ANKS1B: variants seen among roughly 807,000 people sequenced by gnomAD.
The protein encoded by ANKS1B is ankyrin repeat and sterile alpha motif domain containing 1B.
ANKS1B carries 36 observed loss-of-function variants against 148.3 expected under a neutral mutation model. The ratio of observed to expected loss-of-function variants is 0.24; its 90% confidence interval spans 0.19 to 0.32. The LOEUF (loss-of-function observed/expected upper bound fraction) is 0.32, where lower values mean the gene tolerates loss of function less well. Ranked by LOEUF, ANKS1B falls within the 10% of genes least tolerant of loss-of-function variation. The pLI, the probability that ANKS1B is intolerant of heterozygous loss-of-function variation, is 1.00. For missense variants in ANKS1B, 1,157 were observed against 1,542.6 expected, an observed-to-expected ratio of 0.75 and a Z score of 4.19; for synonymous variants, 542 against 560.8, an observed-to-expected ratio of 0.97 and a Z score of 0.47.
intron 16 of ANKS1B, among the ~76,000 whole-genome samples, chr12:99,077,028 C>T (rs2048084181): frequency 6.6e-6 from 1 of 151,598 alleles, no homozygotes; most frequent in Non-Finnish European, 1.5e-5. Context: ...GTTTTGCACC[C>T]CCGGCAAAAA....
chr12:98,848,479 C>A (rs917674790), intron 17 of ANKS1B, among the ~76,000 whole-genome samples: 4 of 151,698 alleles, frequency 2.6e-5, no homozygotes, highest in Admixed American at 6.6e-5. Flanking sequence ...CTGATCACAT[C>A]GAAGTTTTTT....
intron 1 of ANKS1B, among the ~76,000 whole-genome samples, chr12:99,853,566 T>C (rs774018475): frequency 6.6e-6 from 1 of 151,968 alleles, no homozygotes; most frequent in Non-Finnish European, 1.5e-5. Flanking sequence ...CACCCTGTGG[T>C]ACAAAAAAAT....
At chr12:98,809,333 C>T (rs1386937795) in intron 19 of ANKS1B, among the ~76,000 whole-genome samples, 1 of 152,234 alleles carries the variant, frequency 6.6e-6, no homozygotes, top group Non-Finnish European at 1.5e-5. Context: ...TAGCTCTCCT[C>T]TGATTTGAAT....
At chr12:98,792,177 C>T (rs933078552) in intron 22 of ANKS1B, among the ~76,000 whole-genome samples, 6 of 152,110 alleles carry the variant, frequency 3.9e-5, no homozygotes, top group South Asian at 2.1e-4. Flanking sequence ...GTTCCAAGAC[C>T]TAAATACACT....
At chr12:98,808,612 A>G (rs1347859549) in intron 19 of ANKS1B, among the ~76,000 whole-genome samples, 2 of 152,146 alleles carry the variant, frequency 1.3e-5, no homozygotes, top group Admixed American at 6.6e-5. Flanking sequence ...ATTCAGCTCC[A>G]TAATTCTGGC....
intron 25 of ANKS1B, among the ~76,000 whole-genome samples, chr12:98,768,044 A>G (rs547057146): frequency 3.3e-5 from 5 of 152,078 alleles, no homozygotes; most frequent in Admixed American, 1.3e-4. Context: ...TGCTCACCCT[A>G]CAGTTCCCTC....
chr12:99,551,551 AGG>A (rs2097218759), intron 9 of ANKS1B, among the ~76,000 whole-genome samples: 4 of 23,834 alleles, frequency 1.7e-4, no homozygotes, highest in Non-Finnish European at 3.7e-4. Flanking sequence ...AGGGGAGGGG[AGG>A]GGAGGGGAGG....
At chr12:98,945,494 C>CAACAAACA (rs1443177039) in intron 17 of ANKS1B, among the ~76,000 whole-genome samples, 8 of 16,958 alleles carry the variant, frequency 4.7e-4, no homozygotes, top group South Asian at 4.0e-3. Context: ...GACCCTGTCT[C>CAACAAACA]AACAAACAAA....
intron 9 of ANKS1B, among the ~76,000 whole-genome samples, chr12:99,619,730 T>A (rs1029502236): frequency 4.6e-5 from 7 of 151,916 alleles, no homozygotes; most frequent in African/African-American, 1.7e-4. Context: ...AGATTAGGAG[T>A]TTAGGCTGCC....
chr12:99,698,731 T>G (rs796701611), intron 8 of ANKS1B, among the ~76,000 whole-genome samples: 5 of 152,236 alleles, frequency 3.3e-5, no homozygotes, highest in African/African-American at 1.2e-4. Context: ...TCTTGGAAAA[T>G]TTCTTTTTCC....
chr12:99,832,962 G>A (rs553543585), intron 1 of ANKS1B, among the ~76,000 whole-genome samples: 4 of 152,310 alleles, frequency 2.6e-5, no homozygotes, highest in Middle Eastern at 6.8e-3. Context: ...AATATTGTGT[G>A]TGTCTGGAGC....
intron 14 of ANKS1B, among the ~76,000 whole-genome samples, chr12:99,180,559 G>C (rs916880015): frequency 2.6e-5 from 4 of 151,186 alleles, no homozygotes; most frequent in African/African-American, 9.7e-5. Context: ...CTGATCACTG[G>C]ATTTCTTTGA....
At chr12:98,942,650 T>C (rs1014150352) in intron 17 of ANKS1B, among the ~76,000 whole-genome samples, 4 of 152,242 alleles carry the variant, frequency 2.6e-5, no homozygotes, top group Non-Finnish European at 5.9e-5. Flanking sequence ...GGGCTGAATG[T>C]AGCTTGCTCA....
chr12:98,792,112 G>A (rs1271876978), intron 22 of ANKS1B, among the ~76,000 whole-genome samples: 1 of 152,100 alleles, frequency 6.6e-6, no homozygotes, highest in Non-Finnish European at 1.5e-5. Context: ...AAATTAAGAG[G>A]AACAGATTCA....
intron 18 of ANKS1B, among the ~76,000 whole-genome samples, chr12:98,830,615 A>G (rs2099298720): frequency 6.6e-6 from 1 of 152,216 alleles, no homozygotes; most frequent in South Asian, 2.1e-4. Context: ...AGCCCACTGC[A>G]TTTCATCACG....
chr12:98,800,298 T>C (rs192608594), intron 21 of ANKS1B, among the ~76,000 whole-genome samples: 2 of 152,012 alleles, frequency 1.3e-5, no homozygotes, highest in Admixed American at 6.5e-5. Flanking sequence ...AAATTTATTA[T>C]CTTTTGGTAA....
chr12:98,738,894 T>C (rs1015128979), intron 9 of ANKS1B, among the ~76,000 whole-genome samples: 14 of 152,190 alleles, frequency 9.2e-5, no homozygotes, highest in Non-Finnish European at 1.8e-4. Context: ...CTTGGGCTTA[T>C]TGCCCTACTT....
At chr12:99,579,235 T>C (rs1322664539) in intron 9 of ANKS1B, among the ~76,000 whole-genome samples, 1 of 152,082 alleles carries the variant, frequency 6.6e-6, no homozygotes, top group Non-Finnish European at 1.5e-5. Flanking sequence ...AGACTTAAAA[T>C]GTTTAAAACT....
intron 12 of ANKS1B, among the ~76,000 whole-genome samples, chr12:99,356,897 G>A (rs535756997): frequency 6.7e-6 from 1 of 149,266 alleles, no homozygotes; most frequent in African/African-American, 2.4e-5. Context: ...AGAATTTAGA[G>A]AAAACTAATG....
Sources: allele counts gnomAD v4.1 joint callset (sites outside exome capture counted in the v4.1 genomes callset), GRCh38; gene constraint gnomAD v4.1.1; transcripts MANE v1.5; gene names NCBI Gene and HGNC (gene_info 2026-07-23, HGNC 2026-07-21).